The following SPON1 variants were observed in gnomAD, a reference collection of about 807,000 sequenced individuals.
The protein encoded by SPON1 is spondin-1.
A neutral mutation model predicts 111.7 loss-of-function variants in SPON1; 52 were observed. The observed-to-expected ratio is 0.47, with a 90% CI of 0.37 to 0.59. SPON1 has a LOEUF of 0.59. Ranked by LOEUF, SPON1 falls within the 20% of genes least tolerant of loss-of-function variation. The pLI, the probability that SPON1 is intolerant of heterozygous loss-of-function variation, is 0.00. For missense variants in SPON1, 957 were observed against 1,068.5 expected (o/e 0.90, Z 1.46); for synonymous variants, 410 against 395.8 (o/e 1.04, Z -0.43).
intron 1 of SPON1, among the ~76,000 whole-genome samples, chr11:13,968,063 C>T (rs1029826471): frequency 2.0e-5 from 3 of 152,178 alleles, no homozygotes; most frequent in Non-Finnish European, 2.9e-5. Context: ...ATCACTGATA[C>T]GTTTACCACT....
At position 14,143,633 on chromosome 11, in the gene SPON1, C is replaced by A. The variant is rs1213099708; in HGVS notation, c.825+8065C>A. ...ATATTTCAGGGCAGCAGTGGATGGG[C>A]AAGAATTAGACTGAGTTGCAGGGCC... On this transcript the variant is annotated intron_variant, in intron 6 of 15. Coordinates refer to ENST00000576479, the MANE Select transcript of SPON1 (RefSeq NM_006108.4). Among the ~76,000 whole-genome samples the A allele has an allele frequency of 2.6e-5, 4 of 151,500 alleles. No individual in the cohort carries two copies. The East Asian group carries it at 7.7e-4, about 29-fold the overall frequency.
intron 7 of SPON1, among the ~76,000 whole-genome samples, chr11:14,253,775 CCTCT>C (rs1849077713): frequency 6.6e-6 from 1 of 152,224 alleles, no homozygotes; most frequent in Non-Finnish European, 1.5e-5. Flanking sequence ...ACTTTCATGG[CCTCT>C]CTATGAGACA....
At chr11:14,233,758 CTTTTTTTTT>C (rs10610600) in intron 6 of SPON1, among the ~76,000 whole-genome samples, 1 of 96,850 alleles carries the variant, frequency 1.0e-5, no homozygotes, top group African/African-American at 4.1e-5. Context: ...GTTTCTTTTT[CTTTTTTTTT>C]TTTTTTTTTT....
At chr11:14,069,443 G>A (rs1848858125) in intron 3 of SPON1, among the ~76,000 whole-genome samples, 1 of 152,022 alleles carries the variant, frequency 6.6e-6, no homozygotes, top group Non-Finnish European at 1.5e-5. Context: ...CCCTTTCTCA[G>A]TTCTGACCTT....
intron 2 of SPON1, among the ~76,000 whole-genome samples, chr11:14,032,870 T>C (rs1554916227): frequency 6.6e-6 from 1 of 152,090 alleles, no homozygotes; most frequent in Non-Finnish European, 1.5e-5. Flanking sequence ...CAACAGTGCA[T>C]ATTTAGATGT....
intron 2 of SPON1, among the ~76,000 whole-genome samples, chr11:13,998,876 C>G (rs893958075): frequency 6.6e-6 from 1 of 152,210 alleles, no homozygotes; most frequent in Non-Finnish European, 1.5e-5. Context: ...TGATAGACTT[C>G]TTTAATAGAC....
intron 2 of SPON1, among the ~76,000 whole-genome samples, chr11:14,031,528 C>A (rs1848559098): frequency 6.6e-6 from 1 of 151,972 alleles, no homozygotes; most frequent in Non-Finnish European, 1.5e-5. Context: ...AATATTGAGG[C>A]TCCTAGGACA....
At chr11:14,101,609 A>G (rs2133843842) in intron 5 of SPON1, among the ~76,000 whole-genome samples, 1 of 151,898 alleles carries the variant, frequency 6.6e-6, no homozygotes, top group African/African-American at 2.4e-5. Flanking sequence ...TCTGGGTTTT[A>G]TTTTATGTGT....
chr11:14,026,301 G>A (rs1848517550), intron 2 of SPON1, among the ~76,000 whole-genome samples: 1 of 152,230 alleles, frequency 6.6e-6, no homozygotes, highest in Non-Finnish European at 1.5e-5. Context: ...AATAGTCCTT[G>A]AGTGTTACCA....
intron 3 of SPON1, among the ~76,000 whole-genome samples, chr11:14,051,557 A>AG (rs1278036835): frequency 2.0e-5 from 3 of 151,620 alleles, no homozygotes; most frequent in Admixed American, 2.0e-4. Flanking sequence ...AAAGAGAGAC[A>AG]GGGCTTCCTT....
intron 5 of SPON1, among the ~76,000 whole-genome samples, chr11:14,132,566 T>C (rs1368343281): frequency 6.6e-6 from 1 of 152,174 alleles, no homozygotes; most frequent in Non-Finnish European, 1.5e-5. Flanking sequence ...CTTATCCATC[T>C]GTTTCCCCTG....
Position 14,259,831 on chromosome 11 carries a change from G to A in SPON1, c.1831+130G>A. 9.5e-7 allele frequency: 1 copy of A among 1,047,146 alleles called. No homozygotes were observed. Among genetic ancestry groups the A allele is most frequent in the Non-Finnish European group, 1.4e-6 (1 of 727,754 alleles). The allele number at this position is 1,047,146 out of a possible 1,614,324, so 64.9% of individuals were successfully genotyped here. The stretch of plus-strand genomic sequence containing the variant: ...AAGCATGGCCCATGGTCCTTGCTGG[G>A]CACTGCTGGGAGCCAGATGAGAGAC... On this transcript the variant is annotated intron_variant, in intron 13 of 15. Transcript: ENST00000576479. The surrounding 1 kb of genome is among the most constrained non-coding windows in gnomAD (Gnocchi z 5.0).
At chr11:14,214,190 G>A (rs57086333) in intron 6 of SPON1, among the ~76,000 whole-genome samples, 1,532 of 152,258 alleles carry the variant, frequency 0.01, 26 homozygotes, top group African/African-American at 0.036. Context: ...TTGTCCTGGG[G>A]AAAGAACTCT....
intron 6 of SPON1, among the ~76,000 whole-genome samples, chr11:14,210,710 T>C (rs994716601): frequency 2.6e-5 from 4 of 152,098 alleles, no homozygotes; most frequent in Non-Finnish European, 5.9e-5. Context: ...CATCTAGGTT[T>C]TCTTCTAGGG....
chr11:14,115,656 TTATC>T (rs1415651284), intron 5 of SPON1, among the ~76,000 whole-genome samples: 2 of 152,216 alleles, frequency 1.3e-5, no homozygotes, highest in East Asian at 1.9e-4. Context: ...CGCTTTTCAT[TTATC>T]TATCCTATTA....
intron 1 of SPON1, among the ~76,000 whole-genome samples, chr11:13,965,668 A>G (rs1015578527): frequency 6.6e-6 from 1 of 152,184 alleles, no homozygotes; most frequent in African/African-American, 2.4e-5. Context: ...TCTTGCAGGA[A>G]CCATGCTGAG....
intron 2 of SPON1, among the ~76,000 whole-genome samples, chr11:14,016,249 C>A (rs1362067005): frequency 6.6e-6 from 1 of 152,244 alleles, no homozygotes; most frequent in Non-Finnish European, 1.5e-5. Flanking sequence ...GCACTTTACA[C>A]ATGTGATCTC....
At chr11:14,140,013 C>A (rs7949918) in intron 6 of SPON1, among the ~76,000 whole-genome samples, 62,525 of 151,970 alleles carry the variant, frequency 0.41, 13,013 homozygotes, top group East Asian at 0.55. Flanking sequence ...AGTTGAATGC[C>A]GGACCACTTT....
intron 5 of SPON1, among the ~76,000 whole-genome samples, chr11:14,088,617 G>T (rs552354732): frequency 7.3e-5 from 11 of 151,612 alleles, no homozygotes; most frequent in Non-Finnish European, 1.6e-4. Flanking sequence ...TTTTGGGGTT[G>T]TTCTTCTCGG....
Sources: gnomAD v4.1 joint callset for allele counts (sites outside exome capture counted in the v4.1 genomes callset) on GRCh38, gnomAD v4.1.1 for gene constraint, Gnocchi (gnomAD v3.1) non-coding constraint, MANE v1.5 for transcripts, NCBI Gene and HGNC (gene_info 2026-07-23, HGNC 2026-07-21) for gene names.